Variants in SPRING1 observed in about 807,000 individuals in gnomAD.
The protein encoded by SPRING1 is SREBP regulating gene protein.
SPRING1 carries 14 observed loss-of-function variants against 24.7 expected under a neutral mutation model. The ratio of observed to expected loss-of-function variants is 0.57; its 90% CI spans 0.37 to 0.88. SPRING1 has a LOEUF of 0.88. Ranked by LOEUF, SPRING1 falls within the 40% of genes least tolerant of loss-of-function variation. SPRING1 has a pLI of 0.00. For missense variants in SPRING1, 255 were observed against 268.4 expected, an observed-to-expected ratio of 0.95 and a Z score of 0.35; for synonymous variants, 93 against 106.1, an observed-to-expected ratio of 0.88 and a Z score of 0.76.
At chr12:116,729,677 GA>G (rs1403034042) in intron 1 of SPRING1, among the ~76,000 whole-genome samples, 1 of 152,186 alleles carries the variant, frequency 6.6e-6, no homozygotes, top group South Asian at 2.1e-4. Context: ...GGACATGGAT[GA>G]ACTTTGAAAA....
At position 116,720,092 on chromosome 12, in the gene SPRING1, C is replaced by A. The variant is rs553472694; in HGVS notation, c.420+204G>T. On this transcript the variant is annotated intron_variant, in intron 3 of 4. Coordinates refer to ENST00000261318, the MANE Select transcript of SPRING1 (RefSeq NM_024738.4). This position sits in a 1 kb window ranked among gnomAD's most constrained non-coding sequence, Gnocchi z 4.0. ...GATATGTGATTAGCAATACAATGAT[C>A]CATTCTGCAAAAGAACCATTCAAGC... The A allele has an allele frequency of 4.0e-6, 3 of 745,086 alleles. No individual in the cohort carries two copies. In the African/African-American group the frequency reaches 5.3e-5, roughly 13 times the overall value. The allele number at this position is 745,086 out of a possible 1,614,324, so 46.2% of individuals were successfully genotyped here.
chr12:116,725,867 C>T (rs188785652), intron 1 of SPRING1, among the ~76,000 whole-genome samples: 1,476 of 146,396 alleles, frequency 0.01, 12 homozygotes, highest in Middle Eastern at 0.018. Flanking sequence ...GCCTGGGCGA[C>T]AAAGTGAGAC....
intron 1 of SPRING1, among the ~76,000 whole-genome samples, chr12:116,737,483 G>A (rs903058408): frequency 1.4e-5 from 2 of 143,642 alleles, no homozygotes; most frequent in African/African-American, 5.2e-5. Context: ...AAAAGGGGAG[G>A]AAAGAAGAAA....
chr12:116,733,463 C>T (rs182548032), intron 1 of SPRING1, among the ~76,000 whole-genome samples: 178 of 147,004 alleles, frequency 1.2e-3, no homozygotes, highest in Middle Eastern at 3.4e-3. Flanking sequence ...GAATTACAGG[C>T]GTGAGCCACT....
Position 116,719,887 on chromosome 12 carries a change from A to T in SPRING1, c.421-11T>A. 1.9e-6 allele frequency: 3 copies of T among 1,610,160 alleles called. No individual in the cohort carries two copies. The highest frequency in any genetic ancestry group is 2.5e-6 in the Non-Finnish European group (3 of 1,176,678). Reference sequence around the variant, plus strand: ...CTCCAGGAGAAGTTGCTATGGAAACAAAAGTTAGTGCCTGTAATAAATTAC... The same window carrying T: ...CTCCAGGAGAAGTTGCTATGGAAACTAAAGTTAGTGCCTGTAATAAATTAC... On this transcript the variant is annotated splice_polypyrimidine_tract_variant and intron_variant, in intron 3 of 4. Coordinates refer to ENST00000261318, the MANE Select transcript of SPRING1 (RefSeq NM_024738.4).
chr12:116,724,322 A>G (rs1257721045), intron 1 of SPRING1, among the ~76,000 whole-genome samples: 1 of 152,228 alleles, frequency 6.6e-6, no homozygotes, highest in Non-Finnish European at 1.5e-5. Context: ...ATATGTCTAC[A>G]TACACTTTGG....
At chr12:116,737,605 G>T (rs558823779) in intron 1 of SPRING1, among the ~76,000 whole-genome samples, 185 bp downstream of exon 1, 12 of 143,670 alleles carry the variant, frequency 8.4e-5, no homozygotes, top group African/African-American at 3.1e-4. Flanking sequence ...AGGAAGGAGG[G>T]GAGGTAGGAA....
In SPRING1 at chr12:116,712,304, TGGAGACGCAGTC is replaced by T. The variant is rs1468165504; in HGVS notation, c.*5494_*5505del. 6.6e-6 allele frequency: 1 copy of T among 152,204 alleles called. No homozygotes were observed. Among genetic ancestry groups the T allele is most frequent in the Non-Finnish European group, 1.5e-5 (1 of 68,028 alleles). The allele number at this position is 152,204 out of a possible 1,614,324, so 9.4% of individuals were successfully genotyped here. ...CAGGAAGATCACTGAGTAGGTTCTG[TGGAGACGCAGTC>T]GGCCCATATGCACGTCACCACTCGG... On this transcript the variant is annotated 3_prime_UTR_variant, in exon 5 of 5. Transcript: ENST00000261318.
chr12:116,737,932 G>A lies in SPRING1; in HGVS notation c.-32C>T, dbSNP rs934523770. On this transcript the variant is annotated 5_prime_UTR_variant, in exon 1 of 5. Transcript: ENST00000261318. The stretch of plus-strand genomic sequence containing the variant: ...GCGGACGTGGGGCGCGGCGGCCGGG[G>A]CGCGGAACGCGGCAGGCCCGGGTCC... The A allele has an allele frequency of 2.1e-6, 3 of 1,444,698 alleles. No individual in the cohort carries two copies. The highest frequency in any genetic ancestry group is 2.7e-6 in the Non-Finnish European group (3 of 1,097,460). 89.5% of individuals were successfully genotyped at this position (1,444,698 alleles called of 1,614,324 possible). A position where few individuals can be genotyped will look rare whatever the true frequency, so the allele number is the denominator to read the frequency against.
chr12:116,720,021 G>C lies in SPRING1; in HGVS notation c.421-145C>G, dbSNP rs557782436. On this transcript the variant is annotated intron_variant, in intron 3 of 4. Coordinates refer to ENST00000261318, the MANE Select transcript of SPRING1 (RefSeq NM_024738.4). This position sits in a 1 kb window ranked among gnomAD's most constrained non-coding sequence, Gnocchi z 4.0. ...AGGAGGGAGGGGAAAGGACACACGCGTGCACACACGTGCATGCCAAAACAC... is the reference window on the plus strand; with the variant it reads ...AGGAGGGAGGGGAAAGGACACACGCCTGCACACACGTGCATGCCAAAACAC... 1.4e-6 allele frequency: 1 copy of C among 728,994 alleles called. No individual in the cohort carries two copies. Among genetic ancestry groups the C allele is most frequent in the Non-Finnish European group, 2.3e-6 (1 of 440,802 alleles). 45.2% of individuals were successfully genotyped at this position (728,994 alleles called of 1,614,324 possible). A position where few individuals can be genotyped will look rare whatever the true frequency, so the allele number is the denominator to read the frequency against.
intron 3 of SPRING1, 122 bp from the exon 4 acceptor site, chr12:116,719,998 G>C: frequency 2.2e-6 from 2 of 907,188 alleles, no homozygotes; most frequent in Non-Finnish European, 3.5e-6. Context: ...AGGAGAAAAG[G>C]AGGGAGGGGA....
At chr12:116,726,076 CTCT>C (rs1293657318) in intron 1 of SPRING1, among the ~76,000 whole-genome samples, 2 of 152,138 alleles carry the variant, frequency 1.3e-5, no homozygotes, top group Admixed American at 1.3e-4. Context: ...TTGCATTCAG[CTCT>C]TCTTGACACT....
At chr12:116,723,822 C>T (rs561093441) in intron 1 of SPRING1, among the ~76,000 whole-genome samples, 9 of 152,246 alleles carry the variant, frequency 5.9e-5, no homozygotes, top group Admixed American at 1.3e-4. Context: ...TAACCCGCTA[C>T]GGAACACACC....
In SPRING1 at chr12:116,712,302, T is replaced by G. The variant is rs1405158143; in HGVS notation, c.*5508A>C. 4.6e-5 allele frequency: 7 copies of G among 152,272 alleles called. No homozygotes were observed. The highest frequency in any genetic ancestry group is 2.9e-5 in the Non-Finnish European group (2 of 68,058). The allele number at this position is 152,272 out of a possible 1,614,324, so 9.4% of individuals were successfully genotyped here. ...CACAGGAAGATCACTGAGTAGGTTC[T>G]GTGGAGACGCAGTCGGCCCATATGC... On this transcript the variant is annotated 3_prime_UTR_variant, in exon 5 of 5. Coordinates refer to ENST00000261318, the MANE Select transcript of SPRING1 (RefSeq NM_024738.4).
At position 116,720,113 on chromosome 12, in the gene SPRING1, C is replaced by T; in HGVS notation, c.420+183G>A. ...TGATCCATTCTGCAAAAGAACCATT[C>T]AAGCAACTGGGAACCACCTCCTTTC... is the stretch of plus-strand genomic sequence containing the variant. On this transcript the variant is annotated intron_variant, in intron 3 of 4. Transcript: ENST00000261318. This position sits in a 1 kb window ranked among gnomAD's most constrained non-coding sequence, Gnocchi z 4.0. 1.2e-6 allele frequency: 1 copy of T among 813,412 alleles called. No homozygotes were observed. The highest frequency in any genetic ancestry group is 1.9e-6 in the Non-Finnish European group (1 of 526,502). 50.4% of individuals were successfully genotyped at this position (813,412 alleles called of 1,614,324 possible). A position where few individuals can be genotyped will look rare whatever the true frequency, so the allele number is the denominator to read the frequency against.
chr12:116,733,173 CGT>C (rs1209008611), intron 1 of SPRING1, among the ~76,000 whole-genome samples: 1 of 151,976 alleles, frequency 6.6e-6, no homozygotes, highest in Non-Finnish European at 1.5e-5. Flanking sequence ...CCTAGGCTAA[CGT>C]GTGTGCTCGT....
chr12:116,736,430 A>G (rs1303926762), intron 1 of SPRING1, among the ~76,000 whole-genome samples: 1 of 152,216 alleles, frequency 6.6e-6, no homozygotes, highest in Non-Finnish European at 1.5e-5. Flanking sequence ...CCCGGCCAAT[A>G]AAAGGGACTT....
rs149352427 is a variant in SPRING1 at position 116,720,845 on chromosome 12, G to A, written c.269-398C>T. 1.8e-4 allele frequency among the ~76,000 whole-genome samples: 28 copies of A among 152,206 alleles called. No individual in the cohort carries two copies. Among genetic ancestry groups the A allele is most frequent in the African/African-American group, 5.3e-4 (22 of 41,544 alleles). On this transcript the variant is annotated intron_variant, in intron 2 of 4. Coordinates refer to ENST00000261318, the MANE Select transcript of SPRING1 (RefSeq NM_024738.4). This position sits in a 1 kb window ranked among gnomAD's most constrained non-coding sequence, Gnocchi z 4.0. ...AAAAAGTTTAAAACAGAAAAAAACC[G>A]AGGCACTGATTCACAAAAGTGAGGT...
chr12:116,713,250 T>C lies in SPRING1; in HGVS notation c.*4560A>G, dbSNP rs971725181. The C allele has an allele frequency of 3.9e-5, 6 of 152,306 alleles. No homozygotes were observed. The East Asian group carries it at 1.2e-3, about 29-fold the overall frequency. 9.4% of individuals were successfully genotyped at this position (152,306 alleles called of 1,614,324 possible). A position where few individuals can be genotyped will look rare whatever the true frequency, so the allele number is the denominator to read the frequency against. On this transcript the variant is annotated 3_prime_UTR_variant, in exon 5 of 5. Transcript: ENST00000261318. Reference sequence around the variant, plus strand: ...CACTGCCCTAGATGAACTGGAAAAGTTGGTTTGTGAATATGTGAGCTTAGT... The same window carrying C: ...CACTGCCCTAGATGAACTGGAAAAGCTGGTTTGTGAATATGTGAGCTTAGT...
Sources: gnomAD v4.1 joint callset for allele counts (sites outside exome capture counted in the v4.1 genomes callset) on GRCh38, gnomAD v4.1.1 for gene constraint, Gnocchi (gnomAD v3.1) non-coding constraint, MANE v1.5 for transcripts, NCBI Gene and HGNC (gene_info 2026-07-23, HGNC 2026-07-21) for gene names.